H2AC4: variants seen among roughly 807,000 people sequenced by gnomAD.
The protein encoded by H2AC4 is H2A clustered histone 4.
H2AC4 carries 8 observed loss-of-function variants against 6.1 expected under a neutral mutation model. That is an observed-to-expected ratio of 1.31 (90% CI 0.77 to 2.36). The LOEUF (loss-of-function observed/expected upper bound fraction) is 2.36, where lower values mean the gene tolerates loss of function less well. H2AC4 is among the 30% of genes most tolerant of loss of function. The pLI, the probability that H2AC4 is intolerant of heterozygous loss-of-function variation, is 0.00. For synonymous variants in H2AC4, 129 were observed against 78.4 expected, an observed-to-expected ratio of 1.64 and a Z score of -3.41; for missense variants, 260 against 180.4, an observed-to-expected ratio of 1.44 and a Z score of -2.53.
chr6:26,033,431 AGCCCCGACGCGCTCGGAGTAGTT>A lies in H2AC4; in HGVS notation c.115_137del (p.Asn39TrpfsTer11). 6.2e-7 allele frequency: 1 copy of A among 1,614,120 alleles called. No homozygotes were observed. Among genetic ancestry groups the A allele is most frequent in the Non-Finnish European group, 8.5e-7 (1 of 1,179,996 alleles). On this transcript the variant is annotated frameshift_variant, in exon 1 of 1. Coordinates refer to ENST00000615868, the MANE Select transcript of H2AC4 (RefSeq NM_003513.3). LOFTEE classifies it high-confidence loss of function. ...CCGCCGCGAGATACACCGGCGCGCC[AGCCCCGACGCGCTCGGAGTAGTT>A]GCCTTTGCGGAGCAGGCGGTGCACT...
rs1761501368 is a variant in H2AC4 at position 26,033,317 on chromosome 6, C to T, written c.252G>A (p.Leu84=). The T allele has an allele frequency of 1.2e-6, 2 of 1,614,060 alleles. No individual in the cohort carries two copies. The highest frequency in any genetic ancestry group is 8.5e-7 in the Non-Finnish European group (1 of 1,180,038). The change falls in exon 1 of 1, where the codon CTG becomes CTA. Residue 84 remains leucine (L), a synonymous_variant. Transcript: ENST00000615868. ...CCTCGTCATTGCGGATGGCCAATTGCAGGTGGCGCGGGATGATGCGGGTCT... is the reference window on the plus strand; with the variant it reads ...CCTCGTCATTGCGGATGGCCAATTGTAGGTGGCGCGGGATGATGCGGGTCT... The part of the protein sequence containing the change: ...NKKTRIIPRH[L]QLAIRNDEEL...
In H2AC4 at chr6:26,033,201, C is replaced by G; in HGVS notation, c.368G>C (p.Ser123Thr). 6.2e-7 allele frequency: 1 copy of G among 1,614,116 alleles called. No homozygotes were observed. The highest frequency in any genetic ancestry group is 1.1e-5 in the South Asian group (1 of 91,076). Reference protein sequence around the residue: ...QAVLLPKKTESHHKAKGK With the variant: ...QAVLLPKKTETHHKAKGK ...TCACTTTCCCTTGGCCTTATGATGG[C>G]TCTCAGTTTTCTTAGGCAGCAGCAC... The change falls in exon 1 of 1, where the codon AGC becomes ACC. Residue 123 changes from serine to threonine, a missense_variant. Coordinates refer to ENST00000615868, the MANE Select transcript of H2AC4 (RefSeq NM_003513.3).
Position 26,033,121 on chromosome 6 carries a change from T to TTA in H2AC4, c.*53_*54dup, listed in dbSNP as rs1177251106. 28 of 1,598,172 alleles carry TTA rather than the reference T, an allele frequency of 1.8e-5. No individual in the cohort carries two copies. The highest frequency in any genetic ancestry group is 3.3e-4 in the Middle Eastern group (2 of 6,002). On this transcript the variant is annotated 3_prime_UTR_variant, in exon 1 of 1. Transcript: ENST00000615868. The stretch of plus-strand genomic sequence containing the variant: ...GTGGCTCTGAAAAGAGCCTTTGCTG[T>TTA]TAGGCTGATTTTGTCTGCTGACAGA...
Position 26,033,487 on chromosome 6 carries a change from C to G in H2AC4, c.82G>C (p.Val28Leu). The G allele has an allele frequency of 6.2e-7, 1 of 1,614,222 alleles. No homozygotes were observed. The highest frequency in any genetic ancestry group is 8.5e-7 in the Non-Finnish European group (1 of 1,180,042). Reference protein sequence around the residue: ...RSSRAGLQFPVGRVHRLLRKG... With the variant: ...RSSRAGLQFPLGRVHRLLRKG... ...CGGAGCAGGCGGTGCACTCGGCCCA[C>G]AGGAAACTGCAAACCTGCACGAGAA... The change falls in exon 1 of 1, where the codon GTG (valine) becomes CTG (leucine). Residue 28 changes from valine (V) to leucine (L), a missense_variant. By Grantham distance (32) the Val-to-Leu change is conservative. Transcript: ENST00000615868.
rs376876329 is a variant in H2AC4 at position 26,033,605 on chromosome 6, T to A, written c.-37A>T. On this transcript the variant is annotated 5_prime_UTR_variant, in exon 1 of 1. Coordinates refer to ENST00000615868, the MANE Select transcript of H2AC4 (RefSeq NM_003513.3). ...ATAAGGGAAAATCGCCACAAGAAAA[T>A]GTAATGAAACTACATTAGAACGCAA... 6.2e-7 allele frequency: 1 copy of A among 1,605,376 alleles called. No individual in the cohort carries two copies.
chr6:26,033,403 G>A lies in H2AC4; in HGVS notation c.166C>T (p.Leu56Phe). 2 of 1,613,994 alleles carry A rather than the reference G, an allele frequency of 1.2e-6. No individual in the cohort carries two copies. The highest frequency in any genetic ancestry group is 1.7e-6 in the Non-Finnish European group (2 of 1,179,926). ...AGAPVYLAAV[L>F]EYLTAEILEL... ...AGGATCTCGGCGGTCAGGTACTCAA[G>A]CACCGCCGCGAGATACACCGGCGCG... The change falls in exon 1 of 1, where the codon CTT becomes TTT. Residue 56 changes from leucine (L) to phenylalanine (F), a missense_variant. Leu to Phe is a conservative substitution (Grantham distance 22). Coordinates refer to ENST00000615868, the MANE Select transcript of H2AC4 (RefSeq NM_003513.3).
Position 26,033,595 on chromosome 6 carries a change from C to T in H2AC4, c.-27G>A, listed in dbSNP as rs771957173. The T allele has an allele frequency of 2.0e-5, 32 of 1,607,392 alleles. No individual in the cohort carries two copies. Among genetic ancestry groups the T allele is most frequent in the Admixed American group, 1.7e-4 (10 of 57,522 alleles). Reference sequence around the variant, plus strand: ...ACTACTTCTGATAAGGGAAAATCGCCACAAGAAAATGTAATGAAACTACAT... The same window carrying T: ...ACTACTTCTGATAAGGGAAAATCGCTACAAGAAAATGTAATGAAACTACAT... On this transcript the variant is annotated 5_prime_UTR_variant, in exon 1 of 1. Coordinates refer to ENST00000615868, the MANE Select transcript of H2AC4 (RefSeq NM_003513.3).
chr6:26,033,215 A>C lies in H2AC4; in HGVS notation c.354T>G (p.Pro118=). The C allele has an allele frequency of 6.2e-7, 1 of 1,614,192 alleles. No individual in the cohort carries two copies. Among genetic ancestry groups the C allele is most frequent in the Non-Finnish European group, 8.5e-7 (1 of 1,180,028 alleles). ...CCTTATGATGGCTCTCAGTTTTCTT[A>C]GGCAGCAGCACCGCCTGAATATTAG... ...VLPNIQAVLL[P]KKTESHHKAK... is the part of the protein sequence containing the mutation. Residue 118 remains proline, a synonymous_variant, in exon 1 of 1, where the codon CCT becomes CCG. Transcript: ENST00000615868.
chr6:26,033,534 C>T lies in H2AC4; in HGVS notation c.35G>A (p.Arg12His), dbSNP rs376552436. ...SGRGKQGGKA[R>H]AKAKTRSSRA... Reference sequence around the variant, plus strand: ...AGAAGACCGAGTCTTAGCCTTGGCGCGAGCTTTACCGCCTTGTTTGCCGCG... The same window carrying T: ...AGAAGACCGAGTCTTAGCCTTGGCGTGAGCTTTACCGCCTTGTTTGCCGCG... Residue 12 changes from arginine to histidine, a missense_variant, in exon 1 of 1, where the codon CGC (arginine) becomes CAC (histidine). Arg to His is a conservative substitution (Grantham distance 29). Transcript: ENST00000615868. 2 of 1,613,678 alleles carry T rather than the reference C, an allele frequency of 1.2e-6. No individual in the cohort carries two copies. The highest frequency in any genetic ancestry group is 1.7e-6 in the Non-Finnish European group (2 of 1,179,918).
rs752941060 is a variant in H2AC4, at chr6:26,033,582, A to G, written c.-14T>C. ...GCGACCAGACATAACTACTTCTGAT[A>G]AGGGAAAATCGCCACAAGAAAATGT... is the stretch of plus-strand genomic sequence containing the variant. On this transcript the variant is annotated 5_prime_UTR_variant, in exon 1 of 1. Coordinates refer to ENST00000615868, the MANE Select transcript of H2AC4 (RefSeq NM_003513.3). 6 of 1,489,228 alleles carry G rather than the reference A, an allele frequency of 4.0e-6. No individual in the cohort carries two copies. Among genetic ancestry groups the G allele is most frequent in the Non-Finnish European group, 4.4e-6 (5 of 1,129,934 alleles). The allele number at this position is 1,489,228 out of a possible 1,614,324, so 92.3% of individuals were successfully genotyped here. A position where few individuals can be genotyped will look rare whatever the true frequency, so the allele number is the denominator to read the frequency against.
chr6:26,033,209 T>TA lies in H2AC4; in HGVS notation c.359_360insT (p.Lys120AsnfsTer3). The TA allele has an allele frequency of 1.9e-6, 3 of 1,614,224 alleles. No individual in the cohort carries two copies. Among genetic ancestry groups the TA allele is most frequent in the Non-Finnish European group, 2.5e-6 (3 of 1,180,040 alleles). On this transcript the variant is annotated frameshift_variant, in exon 1 of 1. Transcript: ENST00000615868. LOFTEE classifies it high-confidence loss of function. ...CCTTGGCCTTATGATGGCTCTCAGT[T>TA]TTCTTAGGCAGCAGCACCGCCTGAA...
chr6:26,033,510 G>C lies in H2AC4; in HGVS notation c.59C>G (p.Ser20Cys), dbSNP rs756773136. 2 of 1,614,118 alleles carry C rather than the reference G, an allele frequency of 1.2e-6. No individual in the cohort carries two copies. The highest frequency in any genetic ancestry group is 1.3e-5 in the African/African-American group (1 of 74,944). The change falls in exon 1 of 1, where the codon TCT becomes TGT. Residue 20 changes from serine (S) to cysteine (C), a missense_variant. Physicochemically the swap from Ser to Cys is moderately radical, Grantham distance 112. Transcript: ENST00000615868. Reference protein sequence around the residue: ...KARAKAKTRSSRAGLQFPVGR... With the variant: ...KARAKAKTRSCRAGLQFPVGR... Reference sequence around the variant, plus strand: ...CACAGGAAACTGCAAACCTGCACGAGAAGACCGAGTCTTAGCCTTGGCGCG... The same window carrying C: ...CACAGGAAACTGCAAACCTGCACGACAAGACCGAGTCTTAGCCTTGGCGCG...
In H2AC4 at chr6:26,033,433, C is replaced by A. The variant is rs201159814; in HGVS notation, c.136G>T (p.Ala46Ser). 346 of 1,614,142 alleles carry A rather than the reference C, an allele frequency of 2.1e-4. No homozygotes were observed. The highest frequency in any genetic ancestry group is 2.7e-4 in the Non-Finnish European group (313 of 1,180,018). The change falls in exon 1 of 1, where the codon GCT becomes TCT. Residue 46 changes from alanine to serine, a missense_variant. Transcript: ENST00000615868. ...RKGNYSERVG[A>S]GAPVYLAAVL... ...GCCGCGAGATACACCGGCGCGCCAG[C>A]CCCGACGCGCTCGGAGTAGTTGCCT...
chr6:26,033,613 A>G lies in H2AC4; in HGVS notation c.-45T>C, dbSNP rs146231231. On this transcript the variant is annotated 5_prime_UTR_variant, in exon 1 of 1. Transcript: ENST00000615868. ...AAATCGCCACAAGAAAATGTAATGA[A>G]ACTACATTAGAACGCAAGGCAGAGA... 484 of 1,592,704 alleles carry G rather than the reference A, an allele frequency of 3.0e-4. 4 individuals are homozygous for G. The East Asian group carries it at 0.011, about 35-fold the overall frequency.
In H2AC4 at chr6:26,033,515, C is replaced by T. The variant is rs1223519555; in HGVS notation, c.54G>A (p.Arg18=). 1 of 1,614,220 alleles carries T rather than the reference C, an allele frequency of 6.2e-7. No homozygotes were observed. The highest frequency in any genetic ancestry group is 1.1e-5 in the South Asian group (1 of 91,090). The change falls in exon 1 of 1, where the codon CGG becomes CGA. Residue 18 remains arginine (R), a synonymous_variant. Transcript: ENST00000615868. ...GAAACTGCAAACCTGCACGAGAAGA[C>T]CGAGTCTTAGCCTTGGCGCGAGCTT... The part of the protein sequence containing the change: ...GGKARAKAKT[R]SSRAGLQFPV...
Position 26,033,214 on chromosome 6 carries a change from TAGGC to T in H2AC4, c.351_354del (p.Pro118ArgfsTer31), listed in dbSNP as rs1761498877. On this transcript the variant is annotated frameshift_variant, in exon 1 of 1. Transcript: ENST00000615868. LOFTEE classifies it high-confidence loss of function. Reference sequence around the variant, plus strand: ...GCCTTATGATGGCTCTCAGTTTTCTTAGGCAGCAGCACCGCCTGAATATTAGGCA... The same window carrying T: ...GCCTTATGATGGCTCTCAGTTTTCTTAGCAGCACCGCCTGAATATTAGGCA... 3.7e-6 allele frequency: 6 copies of T among 1,614,196 alleles called. No individual in the cohort carries two copies. The highest frequency in any genetic ancestry group is 4.2e-6 in the Non-Finnish European group (5 of 1,180,032).
At position 26,033,193 on chromosome 6, in the gene H2AC4, T is replaced by G; in HGVS notation, c.376A>C (p.Lys126Gln). 6.2e-7 allele frequency: 1 copy of G among 1,614,204 alleles called. No homozygotes were observed. Among genetic ancestry groups the G allele is most frequent in the Non-Finnish European group, 8.5e-7 (1 of 1,180,032 alleles). The change falls in exon 1 of 1, where the codon AAG becomes CAG. Residue 126 changes from lysine to glutamine, a missense_variant. By Grantham distance (53) the Lys-to-Gln change is moderately conservative. Coordinates refer to ENST00000615868, the MANE Select transcript of H2AC4 (RefSeq NM_003513.3). ...TTAACTCTTCACTTTCCCTTGGCCT[T>G]ATGATGGCTCTCAGTTTTCTTAGGC... Reference protein sequence around the residue: ...LLPKKTESHHKAKGK With the variant: ...LLPKKTESHHQAKGK
chr6:26,033,579 G>GGTA lies in H2AC4; in HGVS notation c.-12_-11insTAC, dbSNP rs778220066. 2 of 1,489,608 alleles carry GGTA rather than the reference G, an allele frequency of 1.3e-6. No individual in the cohort carries two copies. The highest frequency in any genetic ancestry group is 5.3e-5 in the African/African-American group (2 of 38,068). 92.3% of individuals were successfully genotyped at this position (1,489,608 alleles called of 1,614,324 possible). A position where few individuals can be genotyped will look rare whatever the true frequency, so the allele number is the denominator to read the frequency against. ...GCCGCGACCAGACATAACTACTTCT[G>GGTA]ATAAGGGAAAATCGCCACAAGAAAA... On this transcript the variant is annotated 5_prime_UTR_variant, in exon 1 of 1. Transcript: ENST00000615868.
chr6:26,033,183 C>A lies in H2AC4; in HGVS notation c.386G>T (p.Gly129Val). ...KKTESHHKAK[G>V]K Reference sequence around the variant, plus strand: ...GCATGAAGCGTTAACTCTTCACTTTCCCTTGGCCTTATGATGGCTCTCAGT... The same window carrying A: ...GCATGAAGCGTTAACTCTTCACTTTACCTTGGCCTTATGATGGCTCTCAGT... Residue 129 changes from glycine to valine, a missense_variant, in exon 1 of 1, where the codon GGA becomes GTA. Transcript: ENST00000615868. 6.2e-7 allele frequency: 1 copy of A among 1,614,172 alleles called. No individual in the cohort carries two copies. Among genetic ancestry groups the A allele is most frequent in the Non-Finnish European group, 8.5e-7 (1 of 1,180,030 alleles).
Sources: allele counts gnomAD v4.1 joint callset, GRCh38; gene constraint gnomAD v4.1.1; transcripts MANE v1.5; gene names NCBI Gene and HGNC (gene_info 2026-07-23, HGNC 2026-07-21).